The following SLC36A4 variants were observed in gnomAD, a reference collection of about 807,000 sequenced individuals.
SLC36A4 encodes solute carrier family 36 member 4.
SLC36A4 carries 49 observed loss-of-function variants against 50.5 expected under a neutral mutation model. The observed-to-expected ratio is 0.97, with a 90% CI of 0.77 to 1.23. SLC36A4 has a LOEUF of 1.23. SLC36A4 is among the 50% of genes most tolerant of loss of function. The pLI, the probability that SLC36A4 is intolerant of heterozygous loss-of-function variation, is 0.00. For synonymous variants in SLC36A4, 207 were observed against 206.5 expected (o/e 1.00, Z -0.02); for missense variants, 611 against 608.4 (o/e 1.00, Z -0.05).
chr11:93,194,006 A>G (rs998762411), intron 1 of SLC36A4, among the ~76,000 whole-genome samples: 1 of 152,172 alleles, frequency 6.6e-6, no homozygotes, highest in African/African-American at 2.4e-5. Context: ...CTGACATTAA[A>G]TTATGGTTGT....
At chr11:93,197,424 G>C (rs2134722956) in intron 1 of SLC36A4, 1 of 381,816 alleles carries the variant, frequency 2.6e-6, no homozygotes, top group Admixed American at 4.7e-5. Flanking sequence ...GCAGAACAAT[G>C]ATAACTTCCT....
chr11:93,175,984 T>G lies in SLC36A4; in HGVS notation c.540+4813A>C, dbSNP rs1861448615. ...TAGGTCCGCTTGGTGCAGAGCTGAG[T>G]TCAATTCCTGGGTATCCTTGTTGAC... On this transcript the variant is annotated intron_variant, in intron 6 of 10. Transcript: ENST00000326402. 3.0e-5 allele frequency among the ~76,000 whole-genome samples: 4 copies of G among 132,710 alleles called. No individual in the cohort carries two copies. The Admixed American group carries it at 3.2e-4, about 11-fold the overall frequency. 87.1% of individuals were successfully genotyped at this position (132,710 alleles called of 152,430 possible). A position where few individuals can be genotyped will look rare whatever the true frequency, so the allele number is the denominator to read the frequency against.
At chr11:93,183,342 TATAAA>T (rs1406166647) in intron 3 of SLC36A4, among the ~76,000 whole-genome samples, 3 of 152,224 alleles carry the variant, frequency 2.0e-5, no homozygotes, top group Non-Finnish European at 4.4e-5. Context: ...AAACCATGCT[TATAAA>T]ATAATTATTT....
At chr11:93,166,342 A>T (rs1590948694) in intron 7 of SLC36A4, 1 of 1,041,936 alleles carries the variant, frequency 9.6e-7, no homozygotes, top group East Asian at 7.7e-5. Flanking sequence ...AAGCACACTC[A>T]AGGCCTAAGC....
chr11:93,154,053 T>C lies in SLC36A4; in HGVS notation c.1207+55A>G. Reference sequence around the variant, plus strand: ...TAAGAAATTACATCTTATATAGCTTTCAAGAAATTGAACAATAAAAAATTA... The same window carrying C: ...TAAGAAATTACATCTTATATAGCTTCCAAGAAATTGAACAATAAAAAATTA... On this transcript the variant is annotated intron_variant, in intron 10 of 10. Transcript: ENST00000326402. 3.6e-6 allele frequency: 3 copies of C among 826,924 alleles called. No homozygotes were observed. In the East Asian group the frequency reaches 1.0e-4, roughly 28 times the overall value. 51.2% of individuals were successfully genotyped at this position (826,924 alleles called of 1,614,324 possible).
At chr11:93,188,828 T>C (rs1024917857) in intron 1 of SLC36A4, among the ~76,000 whole-genome samples, 7 of 152,192 alleles carry the variant, frequency 4.6e-5, no homozygotes, top group Admixed American at 1.3e-4. Flanking sequence ...AGAGAATTTA[T>C]TGCCTCAAAG....
Position 93,197,956 on chromosome 11 carries a change from C to A in SLC36A4, c.-124G>T, listed in dbSNP as rs1450707520. Reference sequence around the variant, plus strand: ...CCCGCGCCTGGTGCCCGCCTCCCTGCCCCGGCGCTCCCCAACCGCGCGGCG... The same window carrying A: ...CCCGCGCCTGGTGCCCGCCTCCCTGACCCGGCGCTCCCCAACCGCGCGGCG... On this transcript the variant is annotated 5_prime_UTR_variant, in exon 1 of 11. Coordinates refer to ENST00000326402, the MANE Select transcript of SLC36A4 (RefSeq NM_152313.4). The A allele has an allele frequency of 9.1e-6, 9 of 994,454 alleles. No individual in the cohort carries two copies. The East Asian group carries it at 2.6e-4, about 29-fold the overall frequency. The allele number at this position is 994,454 out of a possible 1,614,324, so 61.6% of individuals were successfully genotyped here.
At chr11:93,175,013 G>T (rs1371757269) in intron 6 of SLC36A4, among the ~76,000 whole-genome samples, 1 of 151,904 alleles carries the variant, frequency 6.6e-6, no homozygotes, top group Admixed American at 6.6e-5. Context: ...AATACTTTCA[G>T]AAGGAATGGT....
At chr11:93,151,922 G>A (rs1442699225) in intron 10 of SLC36A4, among the ~76,000 whole-genome samples, 6 of 151,950 alleles carry the variant, frequency 3.9e-5, no homozygotes, top group Non-Finnish European at 8.8e-5. Context: ...CCTTTGGCTG[G>A]TTTCTACCGT....
chr11:93,188,930 C>T (rs1239463117), intron 1 of SLC36A4, among the ~76,000 whole-genome samples: 11 of 150,874 alleles, frequency 7.3e-5, no homozygotes, highest in Non-Finnish European at 5.9e-5. Context: ...GGCCTCTCTC[C>T]TTGGTTTATG....
intron 1 of SLC36A4, among the ~76,000 whole-genome samples, chr11:93,187,791 A>G (rs1197229016): frequency 6.6e-6 from 1 of 151,894 alleles, no homozygotes; most frequent in Non-Finnish European, 1.5e-5. Context: ...AGGACCACCA[A>G]TTTTCCCCAT....
intron 6 of SLC36A4, among the ~76,000 whole-genome samples, chr11:93,173,922 C>T (rs1255298884): frequency 7.8e-5 from 11 of 141,016 alleles, no homozygotes; most frequent in Admixed American, 7.3e-4. Context: ...ATTGACTTGG[C>T]GATGCGGGCT....
chr11:93,168,188 G>A lies in SLC36A4; in HGVS notation c.541-17C>T, dbSNP rs1484770005. ...TTCATGAACCTACATAGGATTACCAGGAGAATAAAGAAGGGGGAAAAACTT... is the reference window on the plus strand; with the variant it reads ...TTCATGAACCTACATAGGATTACCAAGAGAATAAAGAAGGGGGAAAAACTT... On this transcript the variant is annotated splice_polypyrimidine_tract_variant and intron_variant, in intron 6 of 10. Coordinates refer to ENST00000326402, the MANE Select transcript of SLC36A4 (RefSeq NM_152313.4). 6.6e-7 allele frequency: 1 copy of A among 1,523,160 alleles called. No homozygotes were observed. The allele number at this position is 1,523,160 out of a possible 1,614,324, so 94.4% of individuals were successfully genotyped here.
At chr11:93,150,731 A>G (rs865993708) in intron 10 of SLC36A4, among the ~76,000 whole-genome samples, 2 of 152,098 alleles carry the variant, frequency 1.3e-5, no homozygotes, top group South Asian at 4.1e-4. Flanking sequence ...CTAGGGAGCT[A>G]TAGAGCATAA....
At chr11:93,189,134 C>T (rs186036931) in intron 1 of SLC36A4, among the ~76,000 whole-genome samples, 2 of 151,612 alleles carry the variant, frequency 1.3e-5, no homozygotes, top group Non-Finnish European at 2.9e-5. Context: ...GCGATCTTGG[C>T]TCACTGCAAT....
rs985658627 is a variant in SLC36A4, at chr11:93,144,469, G to A, written c.*4068C>T. On this transcript the variant is annotated 3_prime_UTR_variant, in exon 11 of 11. Coordinates refer to ENST00000326402, the MANE Select transcript of SLC36A4 (RefSeq NM_152313.4). ...CAATTTAAATAGTAATTTAGTATTA[G>A]TATCTAGTTCACATAGATTACTGAT... 2 of 151,954 alleles carry A rather than the reference G, an allele frequency of 1.3e-5. No individual in the cohort carries two copies. The highest frequency in any genetic ancestry group is 2.9e-5 in the Non-Finnish European group (2 of 67,948). 9.4% of individuals were successfully genotyped at this position (151,954 alleles called of 1,614,324 possible).
intron 6 of SLC36A4, among the ~76,000 whole-genome samples, chr11:93,172,498 A>G (rs1861206384): frequency 6.7e-6 from 1 of 150,250 alleles, no homozygotes; most frequent in South Asian, 2.1e-4. Context: ...CACATTGTGC[A>G]GCTTAGTTAC....
chr11:93,162,928 A>T, intron 8 of SLC36A4, 53 bp from the exon 9 acceptor site: 1 of 1,536,812 alleles, frequency 6.5e-7, no homozygotes, highest in Non-Finnish European at 8.9e-7. Context: ...ATTTAAAAAT[A>T]ACAGTGTCTC....
intron 6 of SLC36A4, among the ~76,000 whole-genome samples, chr11:93,168,759 A>G (rs1414325157): frequency 6.6e-6 from 1 of 152,094 alleles, no homozygotes; most frequent in African/African-American, 2.4e-5. Flanking sequence ...CATATGGTAG[A>G]CAGTACATAA....
Sources: gnomAD v4.1 joint callset for allele counts (sites outside exome capture counted in the v4.1 genomes callset) on GRCh38, gnomAD v4.1.1 for gene constraint, MANE v1.5 for transcripts, NCBI Gene and HGNC (gene_info 2026-07-23, HGNC 2026-07-21) for gene names.